SLC26A7: variants seen among roughly 807,000 people sequenced by gnomAD.
The protein encoded by SLC26A7 is anion exchange transporter.
SLC26A7 carries 59 observed loss-of-function variants against 82.5 expected under a neutral mutation model. The ratio of observed to expected loss-of-function variants is 0.72; its 90% CI spans 0.58 to 0.89. The LOEUF is 0.89. Ranked by LOEUF, SLC26A7 falls within the 40% of genes least tolerant of loss-of-function variation. The pLI, the probability that SLC26A7 is intolerant of heterozygous loss-of-function variation, is 0.00. For missense variants in SLC26A7, 820 were observed against 793.0 expected (o/e 1.03, Z -0.41); for synonymous variants, 271 against 274.3 (o/e 0.99, Z 0.12).
chr8:91,314,290 A>T (rs1297334725), intron 4 of SLC26A7, among the ~76,000 whole-genome samples: 1 of 152,188 alleles, frequency 6.6e-6, no homozygotes, highest in Admixed American at 6.5e-5. Context: ...CAAGCACAAT[A>T]TTCCAGGAGA....
intron 2 of SLC26A7, among the ~76,000 whole-genome samples, chr8:91,280,859 T>C (rs997800864): frequency 9.2e-5 from 14 of 152,352 alleles, no homozygotes; most frequent in African/African-American, 3.1e-4. Context: ...TGATTAGTTT[T>C]TAAAATATGT....
Position 91,396,676 on chromosome 8 carries a change from C to T in SLC26A7, c.*1579C>T, listed in dbSNP as rs908929580. Reference sequence around the variant, plus strand: ...TATGGTAGCCTCAGTCTCTTTATCACTAACTTGGATTGAAATGAGTGAGGC... The same window carrying T: ...TATGGTAGCCTCAGTCTCTTTATCATTAACTTGGATTGAAATGAGTGAGGC... On this transcript the variant is annotated 3_prime_UTR_variant, in exon 19 of 19. Coordinates refer to ENST00000276609, the MANE Select transcript of SLC26A7 (RefSeq NM_052832.4). The T allele has an allele frequency of 1.3e-5, 2 of 152,042 alleles. No homozygotes were observed. The highest frequency in any genetic ancestry group is 2.4e-5 in the African/African-American group (1 of 41,432). 9.4% of individuals were successfully genotyped at this position (152,042 alleles called of 1,614,324 possible).
rs1808575288 is a variant in SLC26A7 at position 91,396,435 on chromosome 8, TATA to T, written c.*1340_*1342del. ...CCATTTAGGTGCTTTCTCTGGCATCTATAAAAGTAAATTCTAGTGCCTGCCAAG... is the reference window on the plus strand; with the variant it reads ...CCATTTAGGTGCTTTCTCTGGCATCTAAAGTAAATTCTAGTGCCTGCCAAG... On this transcript the variant is annotated 3_prime_UTR_variant, in exon 19 of 19. Transcript: ENST00000276609. 1 of 152,018 alleles carries T rather than the reference TATA, an allele frequency of 6.6e-6. No individual in the cohort carries two copies. The highest frequency in any genetic ancestry group is 1.5e-5 in the Non-Finnish European group (1 of 67,886). 9.4% of individuals were successfully genotyped at this position (152,018 alleles called of 1,614,324 possible). A position where few individuals can be genotyped will look rare whatever the true frequency, so the allele number is the denominator to read the frequency against.
chr8:91,382,681 G>A (rs557467469), intron 15 of SLC26A7, among the ~76,000 whole-genome samples: 16 of 152,174 alleles, frequency 1.1e-4, no homozygotes, highest in African/African-American at 3.9e-4. Flanking sequence ...ATCACATATT[G>A]CCTATATGGT....
chr8:91,246,029 T>C (rs1217425549), upstream of SLC26A7, among the ~76,000 whole-genome samples: 1 of 152,188 alleles, frequency 6.6e-6, no homozygotes, highest in Non-Finnish European at 1.5e-5. Flanking sequence ...AAAAGAACTT[T>C]CCATAGATTG....
At chr8:91,295,749 A>C in intron 4 of SLC26A7, 46 bp downstream of exon 4, 1 of 1,568,754 alleles carries the variant, frequency 6.4e-7, no homozygotes, top group Non-Finnish European at 8.7e-7. Flanking sequence ...ACACAGCGGC[A>C]CAGGGAAGGC....
At chr8:91,367,614 G>A (rs1814234144) in intron 14 of SLC26A7, among the ~76,000 whole-genome samples, 1 of 152,128 alleles carries the variant, frequency 6.6e-6, no homozygotes, top group African/African-American at 2.4e-5. Flanking sequence ...GTGGAACTTT[G>A]ACTTGTTGAA....
chr8:91,378,164 T>C (rs1814568529), intron 15 of SLC26A7, among the ~76,000 whole-genome samples: 2 of 151,498 alleles, frequency 1.3e-5, no homozygotes, highest in African/African-American at 4.9e-5. Context: ...GGTCAATTAA[T>C]GAATAAATGG....
chr8:91,270,151 A>G (rs887890899), intron 2 of SLC26A7, among the ~76,000 whole-genome samples: 3 of 152,166 alleles, frequency 2.0e-5, no homozygotes, highest in Non-Finnish European at 4.4e-5. Context: ...AGTTTTCACA[A>G]TCCTTGTATC....
At chr8:91,247,286 T>C (rs577043806), upstream of SLC26A7, among the ~76,000 whole-genome samples, 5 of 152,234 alleles carry the variant, frequency 3.3e-5, no homozygotes, top group Non-Finnish European at 7.3e-5. Flanking sequence ...TCCATATAGA[T>C]GGTACATACT....
intron 5 of SLC26A7, among the ~76,000 whole-genome samples, chr8:91,330,833 A>C (rs903818515): frequency 6.6e-6 from 1 of 152,172 alleles, no homozygotes; most frequent in Non-Finnish European, 1.5e-5. Context: ...ATGAAATTTT[A>C]TTTCATCAAA....
At chr8:91,369,281 G>A (rs1338388078) in intron 14 of SLC26A7, among the ~76,000 whole-genome samples, 3 of 151,964 alleles carry the variant, frequency 2.0e-5, no homozygotes, top group African/African-American at 7.3e-5. Context: ...AACAAAAATA[G>A]CAATAATACA....
intron 11 of SLC26A7, among the ~76,000 whole-genome samples, chr8:91,358,180 A>G (rs958992281): frequency 1.3e-5 from 2 of 152,192 alleles, no homozygotes; most frequent in South Asian, 2.1e-4. Flanking sequence ...AACTAGTTCA[A>G]CCATTGTGGA....
At chr8:91,271,250 C>G (rs1054588558) in intron 2 of SLC26A7, among the ~76,000 whole-genome samples, 1 of 152,068 alleles carries the variant, frequency 6.6e-6, no homozygotes, top group Non-Finnish European at 1.5e-5. Flanking sequence ...TTTTATAGCA[C>G]TAAATAATTT....
At chr8:91,237,749 C>T (rs1586312048) in intron 2 of SLC26A7, among the ~76,000 whole-genome samples, 1 of 152,204 alleles carries the variant, frequency 6.6e-6, no homozygotes, top group African/African-American at 2.4e-5. Context: ...CACTCATTCA[C>T]TCTTCAACTG....
chr8:91,225,727 G>A (rs1810229489), intron 2 of SLC26A7, among the ~76,000 whole-genome samples: 1 of 142,536 alleles, frequency 7.0e-6, no homozygotes, highest in South Asian at 2.2e-4. Flanking sequence ...TCTTGGTTGT[G>A]GGGAGAAAAT....
At chr8:91,386,446 A>G (rs1236374156) in intron 15 of SLC26A7, among the ~76,000 whole-genome samples, 1 of 152,192 alleles carries the variant, frequency 6.6e-6, no homozygotes, top group Non-Finnish European at 1.5e-5. Context: ...TAAAAGAGGT[A>G]TCATTTGGTA....
intron 4 of SLC26A7, among the ~76,000 whole-genome samples, chr8:91,309,775 T>C (rs1812426317): frequency 6.6e-6 from 1 of 152,150 alleles, no homozygotes; most frequent in Non-Finnish European, 1.5e-5. Flanking sequence ...GGCATACTTC[T>C]GGAGTCTTGC....
At chr8:91,272,868 G>A (rs1811308750) in intron 2 of SLC26A7, among the ~76,000 whole-genome samples, 1 of 152,136 alleles carries the variant, frequency 6.6e-6, no homozygotes, top group African/African-American at 2.4e-5. Context: ...AGAGGCAAGA[G>A]GCTAGTTAGG....
Sources: allele counts gnomAD v4.1 joint callset (sites outside exome capture counted in the v4.1 genomes callset), GRCh38; gene constraint gnomAD v4.1.1; transcripts MANE v1.5; gene names NCBI Gene and HGNC (gene_info 2026-07-23, HGNC 2026-07-21).